The following POU6F2 variants were observed in gnomAD, a reference collection of about 807,000 sequenced individuals.
POU6F2 encodes the protein POU domain, class 6, transcription factor 2.
In POU6F2, 31 loss-of-function variants were observed where a neutral mutation model predicts 71.3. The observed-to-expected ratio is 0.43, with a 90% CI of 0.33 to 0.59. The LOEUF is 0.59. Among genes scored for constraint, POU6F2 ranks in the 20% least tolerant of loss-of-function variants. POU6F2 has a pLI of 0.04. For synonymous variants in POU6F2, 347 were observed against 355.7 expected (o/e 0.98, Z 0.27); for missense variants, 783 against 856.8 (o/e 0.91, Z 1.07).
At chr7:39,099,804 G>C (rs754606637) in intron 2 of POU6F2, among the ~76,000 whole-genome samples, 2 of 152,128 alleles carry the variant, frequency 1.3e-5, no homozygotes, top group Non-Finnish European at 2.9e-5. Flanking sequence ...TCACTTCTTA[G>C]CCCAATGCGT....
chr7:39,031,317 G>T (rs1402225306), intron 1 of POU6F2, among the ~76,000 whole-genome samples: 1 of 152,138 alleles, frequency 6.6e-6, no homozygotes, highest in Non-Finnish European at 1.5e-5. Flanking sequence ...TTAGGAAAAT[G>T]ATCTGTAAGC....
At chr7:39,286,518 T>A (rs932200782) in intron 4 of POU6F2, among the ~76,000 whole-genome samples, 2 of 152,228 alleles carry the variant, frequency 1.3e-5, no homozygotes, top group Admixed American at 1.3e-4. Flanking sequence ...TTTCCAGATG[T>A]GCTCAGATTT....
chr7:39,434,805 C>T (rs1403548879), intron 7 of POU6F2, among the ~76,000 whole-genome samples: 2 of 152,084 alleles, frequency 1.3e-5, no homozygotes, highest in African/African-American at 2.4e-5. Context: ...CCTAACAGGC[C>T]CTGGTGTGTG....
intron 5 of POU6F2, among the ~76,000 whole-genome samples, chr7:39,363,406 GT>G (rs1475701092): frequency 6.6e-6 from 1 of 152,048 alleles, no homozygotes; most frequent in Non-Finnish European, 1.5e-5. Flanking sequence ...GACACGTCAT[GT>G]TTGCAAGATC....
chr7:39,106,510 T>A (rs1791690694), intron 2 of POU6F2, among the ~76,000 whole-genome samples: 1 of 152,230 alleles, frequency 6.6e-6, no homozygotes, highest in Non-Finnish European at 1.5e-5. Context: ...GTATTGGACA[T>A]TTTTTCTATG....
chr7:39,058,448 G>A (rs915259860), intron 1 of POU6F2, among the ~76,000 whole-genome samples: 12 of 152,134 alleles, frequency 7.9e-5, no homozygotes, highest in African/African-American at 2.9e-4. Context: ...GTCCCATTTT[G>A]GGAACACATT....
chr7:39,060,975 A>C (rs76623723), intron 1 of POU6F2, among the ~76,000 whole-genome samples: 5,716 of 152,088 alleles, frequency 0.038, 271 homozygotes, highest in East Asian at 0.25. Context: ...AACTTATTGA[A>C]GACTGCAAAG....
intron 2 of POU6F2, among the ~76,000 whole-genome samples, chr7:39,097,024 GT>G (rs1791468460): frequency 6.6e-6 from 1 of 151,950 alleles, no homozygotes; most frequent in African/African-American, 2.4e-5. Flanking sequence ...TAGATAAAAA[GT>G]GATGACATTT....
At chr7:39,110,889 A>G (rs979396232) in intron 2 of POU6F2, among the ~76,000 whole-genome samples, 2 of 152,202 alleles carry the variant, frequency 1.3e-5, no homozygotes. Flanking sequence ...TAGCAATCCA[A>G]CATTTATTTG....
intron 1 of POU6F2, among the ~76,000 whole-genome samples, chr7:39,058,845 G>T (rs1262603963): frequency 1.3e-5 from 2 of 152,110 alleles, no homozygotes; most frequent in Non-Finnish European, 2.9e-5. Flanking sequence ...TTACACAGGG[G>T]CAGGGAGTTT....
intron 1 of POU6F2, among the ~76,000 whole-genome samples, chr7:39,038,861 G>A (rs1017829484): frequency 6.6e-6 from 1 of 151,924 alleles, no homozygotes; most frequent in Non-Finnish European, 1.5e-5. Context: ...ATATGAGAGA[G>A]CTTCTTCTTA....
chr7:39,057,850 T>G (rs1286936861), intron 1 of POU6F2, among the ~76,000 whole-genome samples: 1 of 152,186 alleles, frequency 6.6e-6, no homozygotes, highest in Non-Finnish European at 1.5e-5. Context: ...TTGTGATATT[T>G]CTATAGTAAG....
chr7:39,316,714 G>C (rs528488078), intron 4 of POU6F2, among the ~76,000 whole-genome samples: 1 of 152,278 alleles, frequency 6.6e-6, no homozygotes, highest in East Asian at 1.9e-4. Flanking sequence ...TTCCTAAATG[G>C]ATCTTCAGAC....
chr7:39,204,489 T>A (rs2128745395), intron 3 of POU6F2, among the ~76,000 whole-genome samples, 163 bp downstream of exon 3: 1 of 152,260 alleles, frequency 6.6e-6, no homozygotes, highest in African/African-American at 2.4e-5. Flanking sequence ...ATTTATTAAA[T>A]ACCACCAAGA....
At chr7:39,241,683 T>A (rs1263434705) in intron 4 of POU6F2, among the ~76,000 whole-genome samples, 2 of 152,168 alleles carry the variant, frequency 1.3e-5, no homozygotes, top group Non-Finnish European at 2.9e-5. Context: ...AATAAATTTT[T>A]ATAACTTGGC....
intron 4 of POU6F2, among the ~76,000 whole-genome samples, chr7:39,329,789 C>T (rs1785600034): frequency 1.3e-5 from 2 of 152,140 alleles, no homozygotes; most frequent in South Asian, 4.1e-4. Context: ...TTCTTTAAAT[C>T]ATTTGCACTC....
chr7:39,317,425 C>T (rs1315340826), intron 4 of POU6F2, among the ~76,000 whole-genome samples: 1 of 152,170 alleles, frequency 6.6e-6, no homozygotes, highest in Non-Finnish European at 1.5e-5. Context: ...AGTAGGCTCT[C>T]AATAAATACA....
At chr7:39,103,791 T>C (rs1193762679) in intron 2 of POU6F2, among the ~76,000 whole-genome samples, 1 of 152,204 alleles carries the variant, frequency 6.6e-6, no homozygotes, top group Non-Finnish European at 1.5e-5. Flanking sequence ...TGTACTGGTA[T>C]GTTCATGACC....
intron 2 of POU6F2, among the ~76,000 whole-genome samples, chr7:39,130,895 G>A (rs1490164453): frequency 6.6e-6 from 1 of 152,134 alleles, no homozygotes; most frequent in African/African-American, 2.4e-5. Context: ...CCGGCCTTTC[G>A]GCGTTCCCAC....
Sources: gnomAD v4.1 joint callset for allele counts (sites outside exome capture counted in the v4.1 genomes callset) on GRCh38, gnomAD v4.1.1 for gene constraint, MANE v1.5 for transcripts, NCBI Gene and HGNC (gene_info 2026-07-23, HGNC 2026-07-21) for gene names.